The following MGAT4A variants were observed in gnomAD, a reference collection of about 807,000 sequenced individuals.
MGAT4A encodes the protein alpha-1,3-mannosyl-glycoprotein 4-beta-N-acetylglucosaminyltransferase A.
A neutral mutation model predicts 74.1 loss-of-function variants in MGAT4A; 33 were observed. The observed-to-expected ratio is 0.45, with a 90% CI of 0.34 to 0.60. MGAT4A has a LOEUF of 0.60. Among genes scored for constraint, MGAT4A ranks in the 20% least tolerant of loss-of-function variants. The pLI is 0.02. For missense variants in MGAT4A, 479 were observed against 628.3 expected (o/e 0.76, Z 2.54); for synonymous variants, 198 against 210.4 (o/e 0.94, Z 0.51).
intron 8 of MGAT4A, among the ~76,000 whole-genome samples, chr2:98,654,230 C>T (rs1701625551): frequency 6.6e-6 from 1 of 152,086 alleles, no homozygotes; most frequent in Non-Finnish European, 1.5e-5. Flanking sequence ...CAAATGAAAG[C>T]TTTCCCTCTA....
At chr2:98,647,428 C>T (rs886749939) in intron 8 of MGAT4A, among the ~76,000 whole-genome samples, 3 of 152,212 alleles carry the variant, frequency 2.0e-5, no homozygotes, top group Admixed American at 1.3e-4. Context: ...GATTCTCCTG[C>T]CTCAGCCTCC....
chr2:98,700,822 C>T lies in MGAT4A; in HGVS notation c.95-22351G>A, dbSNP rs1447175404. Among the ~76,000 whole-genome samples, 3 of 147,758 alleles carry T rather than the reference C, an allele frequency of 2.0e-5. No individual in the cohort carries two copies. The Middle Eastern group carries it at 0.01, about 513-fold the overall frequency. ...AGGAGAATCGCTTGAACCCGGGAGGCGGAGGTTGCAGTGAGCCGAGATCGC... is the reference window on the plus strand; with the variant it reads ...AGGAGAATCGCTTGAACCCGGGAGGTGGAGGTTGCAGTGAGCCGAGATCGC... On this transcript the variant is annotated intron_variant, in intron 2 of 15. Coordinates refer to ENST00000393487, the MANE Select transcript of MGAT4A (RefSeq NM_012214.3).
chr2:98,675,903 A>AT (rs1701971932), intron 3 of MGAT4A, among the ~76,000 whole-genome samples: 1 of 151,974 alleles, frequency 6.6e-6, no homozygotes, highest in South Asian at 2.1e-4. Context: ...CATGGAAGGA[A>AT]TTTTTTTTCT....
At chr2:98,704,757 C>G (rs116044916) in intron 2 of MGAT4A, among the ~76,000 whole-genome samples, 2,075 of 151,906 alleles carry the variant, frequency 0.014, 57 homozygotes, top group African/African-American at 0.048. Context: ...GCAACAGAGC[C>G]AGATCCTGCC....
chr2:98,688,737 A>C (rs915680295), intron 2 of MGAT4A, among the ~76,000 whole-genome samples: 3 of 152,226 alleles, frequency 2.0e-5, no homozygotes, highest in Admixed American at 2.0e-4. Flanking sequence ...GTCAGGTCTC[A>C]AGATGATAGT....
chr2:98,662,751 A>G (rs1701770158), intron 5 of MGAT4A, among the ~76,000 whole-genome samples: 1 of 152,198 alleles, frequency 6.6e-6, no homozygotes, highest in Non-Finnish European at 1.5e-5. Context: ...AGGACTCCCA[A>G]AGATCATCAG....
At position 98,621,440 on chromosome 2, in the gene MGAT4A, C is replaced by CAAT; in HGVS notation, c.*4123_*4125dup. On this transcript the variant is annotated 3_prime_UTR_variant, in exon 16 of 16. Transcript: ENST00000393487. ...TGCAGCCCCCTCTACCTTAAAACAG[C>CAAT]AATGGTGCCTGAGGTCCTTCTGCTT... The CAAT allele has an allele frequency of 6.4e-7, 1 of 1,551,624 alleles. No individual in the cohort carries two copies. Among genetic ancestry groups the CAAT allele is most frequent in the Non-Finnish European group, 8.7e-7 (1 of 1,146,956 alleles).
intron 2 of MGAT4A, among the ~76,000 whole-genome samples, chr2:98,710,732 G>C (rs1702503655): frequency 1.3e-5 from 2 of 152,122 alleles, no homozygotes; most frequent in African/African-American, 2.4e-5. Flanking sequence ...AAAGTGCTGG[G>C]ATTACAGGCG....
At chr2:98,652,327 ATT>A (rs70940120) in intron 8 of MGAT4A, among the ~76,000 whole-genome samples, 28,475 of 123,346 alleles carry the variant, frequency 0.23, 2,375 homozygotes, top group East Asian at 0.31. Flanking sequence ...TATCTCAACA[ATT>A]TTTTTTTTTT....
At chr2:98,647,799 C>T (rs1701516958) in intron 8 of MGAT4A, among the ~76,000 whole-genome samples, 1 of 152,204 alleles carries the variant, frequency 6.6e-6, no homozygotes, top group African/African-American at 2.4e-5. Context: ...ACAGCATCTC[C>T]CTTTCCCCTG....
chr2:98,698,274 G>A (rs1229191794), intron 2 of MGAT4A, among the ~76,000 whole-genome samples: 1 of 152,068 alleles, frequency 6.6e-6, no homozygotes, highest in Non-Finnish European at 1.5e-5. Context: ...AATTAGCCAG[G>A]TGTGGTGATG....
At chr2:98,635,014 G>A (rs1297277223) in intron 14 of MGAT4A, among the ~76,000 whole-genome samples, 8 of 152,072 alleles carry the variant, frequency 5.3e-5, no homozygotes, top group African/African-American at 7.2e-5. Context: ...CACACAGCAC[G>A]GAAGGAGCGA....
At chr2:98,652,958 A>G (rs1472582978) in intron 8 of MGAT4A, among the ~76,000 whole-genome samples, 1 of 152,184 alleles carries the variant, frequency 6.6e-6, no homozygotes, top group Non-Finnish European at 1.5e-5. Context: ...TATGCAATGT[A>G]TCTTCTCTGA....
chr2:98,659,187 C>T (rs1326191319), intron 5 of MGAT4A, among the ~76,000 whole-genome samples: 1 of 152,198 alleles, frequency 6.6e-6, no homozygotes, highest in African/African-American at 2.4e-5. Context: ...CTTTTCTCCT[C>T]TAAGAGGTAA....
chr2:98,726,358 T>C lies in MGAT4A; in HGVS notation c.-26A>G. The C allele has an allele frequency of 6.3e-7, 1 of 1,591,614 alleles. No individual in the cohort carries two copies. ...CTCATTTCACCATCACACTGGTCCA[T>C]ATGTTTATGATGACAACAACCAGGA... On this transcript the variant is annotated 5_prime_UTR_variant, in exon 2 of 16. It adds an upstream start codon to the 5' untranslated region. Coordinates refer to ENST00000393487, the MANE Select transcript of MGAT4A (RefSeq NM_012214.3).
At chr2:98,666,149 C>A (rs115051599) in intron 4 of MGAT4A, among the ~76,000 whole-genome samples, 1 of 152,076 alleles carries the variant, frequency 6.6e-6, no homozygotes, top group Admixed American at 6.5e-5. Context: ...TTGAATGAGG[C>A]TGTAGGGTGT....
chr2:98,674,341 T>G (rs1005860415), intron 4 of MGAT4A, among the ~76,000 whole-genome samples: 2 of 152,160 alleles, frequency 1.3e-5, no homozygotes, highest in Non-Finnish European at 2.9e-5. Context: ...AAGAAAAGAT[T>G]AACAAAGTCA....
chr2:98,675,075 A>G lies in MGAT4A; in HGVS notation c.363T>C (p.Ser121=), dbSNP rs1478208854. The G allele has an allele frequency of 2.5e-6, 4 of 1,611,010 alleles. No individual in the cohort carries two copies. In the East Asian group the frequency reaches 8.9e-5, roughly 36 times the overall value. ...TGCCAATCTGTACAGCAGGTTGAAG[A>G]CTTCCTTCATTTTTCAATAAATGAG... The part of the protein sequence containing the change: ...HLPHLLKNEG[S]LQPAVQIGNG... The change falls in exon 4 of 16, where the codon AGT becomes AGC. Residue 121 remains serine, a synonymous_variant. Transcript: ENST00000393487.
At position 98,659,393 on chromosome 2, in the gene MGAT4A, C is replaced by G. The variant is rs536863675; in HGVS notation, c.538-1129G>C. On this transcript the variant is annotated intron_variant, in intron 5 of 15. Coordinates refer to ENST00000393487, the MANE Select transcript of MGAT4A (RefSeq NM_012214.3). The stretch of plus-strand genomic sequence containing the variant: ...TCCTAACTCCAGATCCTTGCCCCTT[C>G]AAGGACCCCAGGAAGCCCAAGGGAC... Among the ~76,000 whole-genome samples, 391 of 152,224 alleles carry G rather than the reference C, an allele frequency of 2.6e-3. 1 individual carries two copies. Among genetic ancestry groups the G allele is most frequent in the Non-Finnish European group, 3.9e-3 (266 of 67,982 alleles).
Sources: allele counts gnomAD v4.1 joint callset (sites outside exome capture counted in the v4.1 genomes callset), GRCh38; gene constraint gnomAD v4.1.1; transcripts MANE v1.5; gene names NCBI Gene and HGNC (gene_info 2026-07-23, HGNC 2026-07-21).